SOX5: variants seen among roughly 807,000 people sequenced by gnomAD.
The protein encoded by SOX5 is SRY-box transcription factor 5, also known as transcription factor SOX-5.
Under a neutral mutation model 92.0 loss-of-function variants are expected in SOX5, and 9 were observed. The ratio of observed to expected loss-of-function variants is 0.10; its 90% CI spans 0.06 to 0.17. The LOEUF is 0.17. SOX5 is among the 10% of genes least tolerant of loss of function. SOX5 has a pLI of 1.00. For missense variants in SOX5, 642 were observed against 944.5 expected, an observed-to-expected ratio of 0.68 and a Z score of 4.20; for synonymous variants, 344 against 336.3, an observed-to-expected ratio of 1.02 and a Z score of -0.25.
rs1049914971 is a variant in SOX5 at position 23,531,615 on chromosome 12, T to C, written c.*2604A>G. ...AGAGAACAAATTTTTTAAAAATCTG[T>C]TTTCACATTGTACATAAAAATGATA... On this transcript the variant is annotated 3_prime_UTR_variant, in exon 15 of 15. Coordinates refer to ENST00000451604, the MANE Select transcript of SOX5 (RefSeq NM_006940.6). 1 of 152,184 alleles carries C rather than the reference T, an allele frequency of 6.6e-6. No homozygotes were observed. The highest frequency in any genetic ancestry group is 2.4e-5 in the African/African-American group (1 of 41,452). The allele number at this position is 152,184 out of a possible 1,614,324, so 9.4% of individuals were successfully genotyped here. A position where few individuals can be genotyped will look rare whatever the true frequency, so the allele number is the denominator to read the frequency against.
chr12:24,443,452 T>G (rs1940974411), intron 1 of SOX5, among the ~76,000 whole-genome samples: 2 of 152,160 alleles, frequency 1.3e-5, no homozygotes, highest in African/African-American at 4.8e-5. Context: ...TCAATAAACA[T>G]AAACTGTTCA....
At chr12:24,459,908 C>T (rs1038246703) in intron 1 of SOX5, among the ~76,000 whole-genome samples, 6 of 152,048 alleles carry the variant, frequency 3.9e-5, no homozygotes, top group Non-Finnish European at 7.4e-5. Context: ...TATATCATAC[C>T]TTACAATACT....
In SOX5 at chr12:24,561,546, C is replaced by A. The variant is rs553177189; in HGVS notation, c.-251+783G>T. ...TCATTGCTTCTTATTGCTGTAGCCC[C>A]AAAGTGCAAGCGAGATTTCCCAAAC... On this transcript the variant is annotated intron_variant, in intron 1 of 4. Transcript: ENST00000446891. 3.3e-5 allele frequency among the ~76,000 whole-genome samples: 5 copies of A among 152,258 alleles called. No individual in the cohort carries two copies. In the East Asian group the frequency reaches 9.6e-4, roughly 29 times the overall value.
intron 2 of SOX5, among the ~76,000 whole-genome samples, chr12:24,355,442 T>C (rs1294997892): frequency 2.0e-5 from 3 of 151,644 alleles, no homozygotes; most frequent in Non-Finnish European, 2.9e-5. Flanking sequence ...GAGGGGTGCA[T>C]CTTCTACAAA....
At chr12:23,989,739 T>C (rs944765796) in intron 4 of SOX5, among the ~76,000 whole-genome samples, 5 of 152,094 alleles carry the variant, frequency 3.3e-5, no homozygotes, top group Non-Finnish European at 2.9e-5. Context: ...AAGCAGGCAG[T>C]CTGCAACACT....
At chr12:24,540,454 TAA>T (rs1406440382) in intron 1 of SOX5, among the ~76,000 whole-genome samples, 2 of 152,160 alleles carry the variant, frequency 1.3e-5, no homozygotes, top group Non-Finnish European at 2.9e-5. Flanking sequence ...AACTGTTTTC[TAA>T]GTCTGTGCAC....
At chr12:23,768,064 C>T (rs2094799044) in intron 3 of SOX5, among the ~76,000 whole-genome samples, 2 of 152,020 alleles carry the variant, frequency 1.3e-5, no homozygotes, top group Non-Finnish European at 2.9e-5. Flanking sequence ...TAATGAGTCA[C>T]CCATTTAAAA....
chr12:23,817,744 A>G (rs1389291503), intron 3 of SOX5, among the ~76,000 whole-genome samples: 2 of 152,208 alleles, frequency 1.3e-5, no homozygotes, highest in African/African-American at 4.8e-5. Flanking sequence ...CTTTGGTATG[A>G]GTTCCCTCCT....
intron 2 of SOX5, among the ~76,000 whole-genome samples, chr12:24,303,716 C>T (rs920722961): frequency 1.3e-5 from 2 of 152,100 alleles, no homozygotes; most frequent in Non-Finnish European, 2.9e-5. Context: ...TCACCGATTC[C>T]TTCTCCTGTG....
At chr12:24,448,605 A>C (rs980325780) in intron 1 of SOX5, among the ~76,000 whole-genome samples, 1 of 152,186 alleles carries the variant, frequency 6.6e-6, no homozygotes, top group Non-Finnish European at 1.5e-5. Flanking sequence ...AAATAAGAGG[A>C]AACTAGTTGT....
At chr12:23,737,136 T>A (rs140386632) in intron 5 of SOX5, among the ~76,000 whole-genome samples, 490 of 152,252 alleles carry the variant, frequency 3.2e-3, no homozygotes, top group Non-Finnish European at 5.4e-3. Flanking sequence ...TAAGAATACT[T>A]CAGAACCTGA....
chr12:23,763,268 A>G (rs1483307079), intron 3 of SOX5, among the ~76,000 whole-genome samples: 1 of 152,198 alleles, frequency 6.6e-6, no homozygotes, highest in Admixed American at 6.6e-5. Context: ...ATGTAACGCC[A>G]TTAAAACAGT....
At chr12:23,701,555 T>C (rs1302011271) in intron 6 of SOX5, among the ~76,000 whole-genome samples, 1 of 152,100 alleles carries the variant, frequency 6.6e-6, no homozygotes, top group Non-Finnish European at 1.5e-5. Context: ...ATTTCCCAAC[T>C]TGAGTAAGTA....
intron 6 of SOX5, among the ~76,000 whole-genome samples, chr12:23,689,211 T>C (rs922502332): frequency 6.6e-6 from 1 of 152,120 alleles, no homozygotes; most frequent in African/African-American, 2.4e-5. Context: ...TACAGCATTA[T>C]CCTACGGGTA....
chr12:24,534,199 C>T (rs2970413), intron 1 of SOX5, among the ~76,000 whole-genome samples: 5,777 of 151,766 alleles, frequency 0.038, 318 homozygotes, highest in African/African-American at 0.12. Flanking sequence ...GAAAATTATC[C>T]ACTGCAATTC....
chr12:23,912,999 T>C (rs866980143), intron 1 of SOX5, among the ~76,000 whole-genome samples: 4 of 152,206 alleles, frequency 2.6e-5, no homozygotes, highest in Non-Finnish European at 4.4e-5. Context: ...TACTGAATTA[T>C]ATTTCAATAA....
At chr12:23,772,210 G>A (rs984201647) in intron 3 of SOX5, among the ~76,000 whole-genome samples, 1 of 152,206 alleles carries the variant, frequency 6.6e-6, no homozygotes, top group Non-Finnish European at 1.5e-5. Context: ...TAGCTGTGAA[G>A]ACGTTGGCAA....
intron 1 of SOX5, among the ~76,000 whole-genome samples, chr12:24,413,087 G>T (rs1371579803): frequency 2.0e-5 from 3 of 152,144 alleles, no homozygotes; most frequent in East Asian, 1.9e-4. Context: ...CAACGTTGAG[G>T]TTCCTCTATA....
Position 23,665,583 on chromosome 12 carries a change from C to A in SOX5, c.811-19G>T, listed in dbSNP as rs376901036. ...CTTGAACCTGCTGAACGTGATAGAG[C>A]GAATCAAAGAGAAGAAGTTTCGATG... On this transcript the variant is annotated intron_variant, in intron 6 of 14. Coordinates refer to ENST00000451604, the MANE Select transcript of SOX5 (RefSeq NM_006940.6). 136 of 1,587,442 alleles carry A rather than the reference C, an allele frequency of 8.6e-5. No homozygotes were observed. The highest frequency in any genetic ancestry group is 1.1e-4 in the Non-Finnish European group (132 of 1,168,840).
Sources: gnomAD v4.1 joint callset for allele counts (sites outside exome capture counted in the v4.1 genomes callset) on GRCh38, gnomAD v4.1.1 for gene constraint, MANE v1.5 for transcripts, NCBI Gene and HGNC (gene_info 2026-07-23, HGNC 2026-07-21) for gene names.